TCF20: variants seen among roughly 807,000 people sequenced by gnomAD.
The protein encoded by TCF20 is SPRE-binding protein.
In TCF20, 3 loss-of-function variants were observed where a neutral mutation model predicts 148.6. That is an observed-to-expected ratio of 0.02 (90% CI 0.01 to 0.05). The LOEUF is 0.05. Ranked by LOEUF, TCF20 falls within the 10% of genes least tolerant of loss-of-function variation. The probability of loss-of-function intolerance (pLI) is 1.00; values close to 1 mark genes in which losing one functional copy is unlikely to be tolerated. For synonymous variants in TCF20, 1,049 were observed against 909.5 expected, an observed-to-expected ratio of 1.15 and a Z score of -2.76; for missense variants, 2,350 against 2,429.3, an observed-to-expected ratio of 0.97 and a Z score of 0.69.
At chr22:42,311,174 G>A (rs529986170) in intron 1 of TCF20, among the ~76,000 whole-genome samples, 31 of 152,336 alleles carry the variant, frequency 2.0e-4, no homozygotes, top group Non-Finnish European at 3.1e-4. Flanking sequence ...GGACCTGCAC[G>A]CCAGCCCTCC....
chr22:42,216,989 T>TA (rs766151645), intron 1 of TCF20, among the ~76,000 whole-genome samples: 2 of 152,216 alleles, frequency 1.3e-5, no homozygotes, highest in Non-Finnish European at 2.9e-5. Flanking sequence ...TGAGGTGTAA[T>TA]AGACAGTTTA....
intron 1 of TCF20, among the ~76,000 whole-genome samples, chr22:42,264,320 G>C (rs965385912): frequency 2.0e-5 from 3 of 151,964 alleles, no homozygotes; most frequent in Non-Finnish European, 2.9e-5. Context: ...CATAACCAGA[G>C]AATGTTTCCT....
At chr22:42,170,747 G>A (rs77163005) in intron 3 of TCF20, among the ~76,000 whole-genome samples, 2,324 of 150,308 alleles carry the variant, frequency 0.015, 51 homozygotes, top group African/African-American at 0.054. Context: ...ATATTCCCAC[G>A]ATATCACCAA....
rs1314874903 is a variant in TCF20 at position 42,323,249 on chromosome 22, C to A, written c.-37+20230G>T. ...TCTTGTTCAGAGGCCAAAGCCCCCA[C>A]TGGATAACCCACTCCAGAACCCAAG... On this transcript the variant is annotated intron_variant, in intron 1 of 1. Transcript: ENST00000515426. 4.0e-5 allele frequency among the ~76,000 whole-genome samples: 6 copies of A among 151,666 alleles called. 1 individual carries two copies. The highest frequency in any genetic ancestry group is 6.6e-5 in the Admixed American group (1 of 15,194).
chr22:42,212,045 T>C lies in TCF20; in HGVS notation c.3261A>G (p.Arg1087=). ...AGLNSQLHYK[R]QMYQQQPEEY... ...CCTCTGGTTGCTGTTGGTACATCTG[T>C]CTCTTATAATGCAGCTGAGAATTCA... The change falls in exon 2 of 6, where the codon AGA becomes AGG. Residue 1087 remains arginine (R), a synonymous_variant. Coordinates refer to ENST00000677622, the MANE Select transcript of TCF20 (RefSeq NM_001378418.1). The C allele has an allele frequency of 6.2e-7, 1 of 1,614,136 alleles. No homozygotes were observed. The highest frequency in any genetic ancestry group is 1.7e-5 in the Admixed American group (1 of 60,024).
At chr22:42,314,110 G>A (rs753234652) in intron 1 of TCF20, among the ~76,000 whole-genome samples, 13 of 152,282 alleles carry the variant, frequency 8.5e-5, no homozygotes, top group Non-Finnish European at 1.6e-4. Context: ...AGGGAGCCCC[G>A]TTCCTGAGGC....
chr22:42,187,370 C>G (rs113706935), intron 2 of TCF20, among the ~76,000 whole-genome samples: 13 of 152,244 alleles, frequency 8.5e-5, no homozygotes, highest in African/African-American at 2.9e-4. Flanking sequence ...CCATAAAAGC[C>G]CCAATCAAAA....
Position 42,338,475 on chromosome 22 carries a change from G to A in TCF20, c.-37+5004C>T, listed in dbSNP as rs1300519935. 6.6e-6 allele frequency among the ~76,000 whole-genome samples: 1 copy of A among 152,232 alleles called. No individual in the cohort carries two copies. On this transcript the variant is annotated intron_variant, in intron 1 of 1. Coordinates refer to the TCF20 transcript ENST00000515426. The surrounding 1 kb of genome is among the most constrained non-coding windows in gnomAD (Gnocchi z 4.0). ...CCCGTCCCTCCCGGCAGCCCGGCCT[G>A]CAGGGGCCACTCGGCCAATCCCGAA...
upstream of TCF20, among the ~76,000 whole-genome samples, chr22:42,284,985 G>A (rs571676523): frequency 7.2e-5 from 11 of 152,348 alleles, no homozygotes; most frequent in East Asian, 1.9e-3. Context: ...CGCCTACTCC[G>A]TAGCTGTTCA....
rs999150156 is a variant in TCF20 at position 42,338,548 on chromosome 22, G to A, written c.-37+4931C>T. ...TGGAAGGGCTGGGAAAATAATTACC[G>A]AGGAGGCCCGGGAGGGAGGCGGGGA... On this transcript the variant is annotated intron_variant, in intron 1 of 1. Transcript: ENST00000515426. The surrounding 1 kb of genome is among the most constrained non-coding windows in gnomAD (Gnocchi z 4.0). Among the ~76,000 whole-genome samples the A allele has an allele frequency of 7.2e-5, 11 of 152,240 alleles. No individual in the cohort carries two copies. The highest frequency in any genetic ancestry group is 1.2e-4 in the Non-Finnish European group (8 of 68,044).
Position 42,212,445 on chromosome 22 carries a change from G to A in TCF20, c.2861C>T (p.Pro954Leu), listed in dbSNP as rs756073795. Reference sequence around the variant, plus strand: ...GCGGTAAGACTCATGCTTGATGCTAGGAGGATGGCAGTGGTCTCCAGATTT... The same window carrying A: ...GCGGTAAGACTCATGCTTGATGCTAAGAGGATGGCAGTGGTCTCCAGATTT... The part of the protein sequence containing the change: ...NKKSGDHCHP[P>L]SIKHESYRGN... Residue 954 changes from proline (P) to leucine (L), a missense_variant, in exon 2 of 6, where the codon CCT (proline) becomes CTT (leucine). Physicochemically the swap from Pro to Leu is moderately conservative, Grantham distance 98. This residue lies in a region of TCF20 where 1,641 missense variants were observed against 1,662.6 expected (regional missense o/e 0.99). Transcript: ENST00000677622. 1 of 1,614,224 alleles carries A rather than the reference G, an allele frequency of 6.2e-7. No individual in the cohort carries two copies.
rs1926859737 is a variant in TCF20 at position 42,279,747 on chromosome 22, C to T, written c.-37+4080G>A. 1.3e-5 allele frequency among the ~76,000 whole-genome samples: 2 copies of T among 152,188 alleles called. No individual in the cohort carries two copies. Among genetic ancestry groups the T allele is most frequent in the Non-Finnish European group, 2.9e-5 (2 of 68,034 alleles). On this transcript the variant is annotated intron_variant, in intron 1 of 5. Transcript: ENST00000359486. This position sits in a 1 kb window ranked among gnomAD's most constrained non-coding sequence, Gnocchi z 4.3. ...GCCTACAGTCACCCAGCAGACACAGCGGAGCAAGGAGGAAGCCACACCTGT... is the reference window on the plus strand; with the variant it reads ...GCCTACAGTCACCCAGCAGACACAGTGGAGCAAGGAGGAAGCCACACCTGT...
intron 1 of TCF20, among the ~76,000 whole-genome samples, chr22:42,337,899 A>AC (rs1928093383): frequency 6.6e-6 from 1 of 152,132 alleles, no homozygotes; most frequent in Non-Finnish European, 1.5e-5. Context: ...TTCAACAATC[A>AC]CAGCTGAGTC....
At chr22:42,253,813 C>G (rs1925566121) in intron 1 of TCF20, among the ~76,000 whole-genome samples, 1 of 152,192 alleles carries the variant, frequency 6.6e-6, no homozygotes, top group Non-Finnish European at 1.5e-5. Flanking sequence ...CATGGTGGCT[C>G]ATGCCTGTAA....
At chr22:42,235,775 C>T (rs1923831507) in intron 1 of TCF20, among the ~76,000 whole-genome samples, 3 of 152,156 alleles carry the variant, frequency 2.0e-5, no homozygotes, top group Admixed American at 6.5e-5. Context: ...ACCTACCTTG[C>T]CACCACACGG....
Position 42,213,113 on chromosome 22 carries a change from T to C in TCF20, c.2193A>G (p.Gln731=), listed in dbSNP as rs2147212885. Residue 731 remains glutamine (Q), a synonymous_variant, in exon 2 of 6, where the codon CAA becomes CAG. Transcript: ENST00000677622. ...CATGGCCAGTGAAATCTCCCTTTTCTTGCCCTGTAGGATACTGAGGAAAGC... is the reference window on the plus strand; with the variant it reads ...CATGGCCAGTGAAATCTCCCTTTTCCTGCCCTGTAGGATACTGAGGAAAGC... ...VSGFPQYPTG[Q]EKGDFTGHGE... 6.2e-7 allele frequency: 1 copy of C among 1,614,202 alleles called. No individual in the cohort carries two copies. The highest frequency in any genetic ancestry group is 1.7e-5 in the Admixed American group (1 of 60,030).
chr22:42,291,298 C>T (rs552152233), intron 1 of TCF20, among the ~76,000 whole-genome samples: 1 of 152,180 alleles, frequency 6.6e-6, no homozygotes, highest in Non-Finnish European at 1.5e-5. Flanking sequence ...CAGCCTGAGC[C>T]CCAGGGGAGG....
At chr22:42,303,281 CTTA>C (rs561325176) in intron 1 of TCF20, among the ~76,000 whole-genome samples, 4 of 152,242 alleles carry the variant, frequency 2.6e-5, no homozygotes, top group Non-Finnish European at 5.9e-5. Flanking sequence ...CATGCATCAT[CTTA>C]TTTAGTCTTC....
At chr22:42,322,141 C>T (rs1927744070) in intron 1 of TCF20, among the ~76,000 whole-genome samples, 1 of 151,752 alleles carries the variant, frequency 6.6e-6, no homozygotes. Flanking sequence ...TTTCCTTTCT[C>T]ATTCAAAAAG....
Sources: gnomAD v4.1 joint callset for allele counts (sites outside exome capture counted in the v4.1 genomes callset) on GRCh38, gnomAD v4.1.1 for gene constraint, gnomAD v4.1.1 regional missense constraint, Gnocchi (gnomAD v3.1) non-coding constraint, MANE v1.5 for transcripts, NCBI Gene and HGNC (gene_info 2026-07-23, HGNC 2026-07-21) for gene names.